USP34: variants seen among roughly 807,000 people sequenced by gnomAD.
The protein encoded by USP34 is ubiquitin specific peptidase 34.
USP34 carries 70 observed loss-of-function variants against 460.3 expected under a neutral mutation model. The ratio of observed to expected loss-of-function variants is 0.15; its 90% confidence interval spans 0.13 to 0.19. The LOEUF (loss-of-function observed/expected upper bound fraction) is 0.19. Ranked by LOEUF, USP34 falls within the 10% of genes least tolerant of loss-of-function variation. The pLI is 1.00. For synonymous variants in USP34, 1,647 were observed against 1,405.3 expected (o/e 1.17, Z -3.85); for missense variants, 3,985 against 4,236.2 (o/e 0.94, Z 1.65).
Position 61,281,108 on chromosome 2 carries a change from T to C in USP34, c.5133A>G (p.Gln1711=). The stretch of plus-strand genomic sequence containing the variant: ...ATCTTACCCTAATAGGTTTGAGTGC[T>C]TGAGCATCAGGAAGAAATTTCAATA... ...STLLKFLPDA[Q]ALKPIRIDDY... The change falls in exon 38 of 80, where the codon CAA becomes CAG. Residue 1711 remains glutamine (Q), a synonymous_variant. Coordinates refer to ENST00000398571, the MANE Select transcript of USP34 (RefSeq NM_014709.4). The C allele has an allele frequency of 6.2e-7, 1 of 1,613,722 alleles. No homozygotes were observed. The highest frequency in any genetic ancestry group is 1.1e-5 in the South Asian group (1 of 91,014).
At chr2:61,377,005 A>C (rs1246083429) in intron 8 of USP34, among the ~76,000 whole-genome samples, 1 of 152,238 alleles carries the variant, frequency 6.6e-6, no homozygotes, top group Non-Finnish European at 1.5e-5. Context: ...AGTGTGAAAC[A>C]ACACTTCTAA....
At chr2:61,236,785 C>T (rs531270455) in intron 53 of USP34, among the ~76,000 whole-genome samples, 8 of 152,258 alleles carry the variant, frequency 5.3e-5, no homozygotes, top group South Asian at 4.1e-4. Flanking sequence ...CTAAATCAGA[C>T]GTGATTTGTT....
chr2:61,404,069 C>T (rs934142769), intron 3 of USP34, among the ~76,000 whole-genome samples: 2 of 147,780 alleles, frequency 1.4e-5, no homozygotes, highest in African/African-American at 4.9e-5. Context: ...TGGAAGAGGG[C>T]CAAGTAGGTG....
intron 39 of USP34, among the ~76,000 whole-genome samples, chr2:61,279,216 T>C (rs564959162): frequency 9.9e-5 from 15 of 152,262 alleles, no homozygotes; most frequent in African/African-American, 3.1e-4. Context: ...AAGTAGATTT[T>C]AAGAATTCAG....
chr2:61,392,454 G>C (rs181035749), intron 5 of USP34, among the ~76,000 whole-genome samples: 33 of 151,926 alleles, frequency 2.2e-4, no homozygotes, highest in Admixed American at 1.3e-4. Context: ...CGAAACCCCG[G>C]GTCTACTAAA....
chr2:61,349,870 A>AC (rs1206399381), intron 12 of USP34, among the ~76,000 whole-genome samples: 42 of 151,554 alleles, frequency 2.8e-4, no homozygotes, highest in African/African-American at 8.5e-4. Context: ...AACAACAACA[A>AC]AAAAACCCCA....
intron 1 of USP34, 64 bp from the exon 2 acceptor site, chr2:61,420,897 C>G (rs1408140958): frequency 1.3e-5 from 15 of 1,168,442 alleles, no homozygotes; most frequent in Non-Finnish European, 3.6e-6. Context: ...GCCAACAGTT[C>G]AAAATAAAGC....
chr2:61,194,274 T>C, intron 75 of USP34: 1 of 985,368 alleles, frequency 1.0e-6, no homozygotes, highest in Non-Finnish European at 1.2e-6. Context: ...TATCCTAACC[T>C]AATCTGGTTG....
At chr2:61,302,210 C>T (rs1382154842) in intron 27 of USP34, among the ~76,000 whole-genome samples, 2 of 152,076 alleles carry the variant, frequency 1.3e-5, no homozygotes, top group African/African-American at 4.8e-5. Context: ...AAAAATATTG[C>T]TAAACTTCAT....
intron 10 of USP34, among the ~76,000 whole-genome samples, chr2:61,351,119 T>C (rs929510475): frequency 2.6e-5 from 4 of 152,188 alleles, no homozygotes; most frequent in African/African-American, 4.8e-5. Flanking sequence ...CCCAGCTACA[T>C]AGGCGGCTAT....
intron 27 of USP34, among the ~76,000 whole-genome samples, chr2:61,301,863 C>T (rs183885423): frequency 6.6e-5 from 10 of 152,254 alleles, no homozygotes; most frequent in African/African-American, 2.2e-4. Context: ...TCACCATTAA[C>T]CCTTTACTCT....
At chr2:61,262,865 TA>T (rs1209545209) in intron 43 of USP34, among the ~76,000 whole-genome samples, 1 of 152,338 alleles carries the variant, frequency 6.6e-6, no homozygotes, top group Non-Finnish European at 1.5e-5. Flanking sequence ...GACTTTTTAT[TA>T]ACAGCTATTC....
chr2:61,249,725 G>C (rs967369750), intron 48 of USP34: 4 of 152,978 alleles, frequency 2.6e-5, no homozygotes, highest in African/African-American at 9.7e-5. Context: ...CAGAAGAAGA[G>C]TCTGCAGGGC....
At chr2:61,285,573 C>T (rs1169195712) in intron 34 of USP34, among the ~76,000 whole-genome samples, 1 of 151,214 alleles carries the variant, frequency 6.6e-6, no homozygotes, top group Non-Finnish European at 1.5e-5. Context: ...ATAGTCTTTA[C>T]ATTCGATTCA....
chr2:61,322,488 C>G (rs1435290489), intron 21 of USP34, among the ~76,000 whole-genome samples: 1 of 152,150 alleles, frequency 6.6e-6, no homozygotes, highest in Non-Finnish European at 1.5e-5. Flanking sequence ...AAAAATTAGA[C>G]AGTCCAAAAG....
At position 61,406,342 on chromosome 2, in the gene USP34, A is replaced by G. The variant is rs544685771; in HGVS notation, c.132-214T>C. On this transcript the variant is annotated intron_variant, in intron 2 of 79. Coordinates refer to ENST00000398571, the MANE Select transcript of USP34 (RefSeq NM_014709.4). ...AAGTCATCATGTTAGGTTTACAGCT[A>G]TTATCTTCAGTTTTACGTATGGATT... Among the ~76,000 whole-genome samples the G allele has an allele frequency of 6.6e-5, 10 of 152,238 alleles. No homozygotes were observed. In the South Asian group the frequency reaches 1.0e-3, roughly 16 times the overall value.
At chr2:61,371,713 A>G (rs1358355237) in intron 8 of USP34, among the ~76,000 whole-genome samples, 1 of 152,172 alleles carries the variant, frequency 6.6e-6, no homozygotes, top group South Asian at 2.1e-4. Flanking sequence ...CTAGGCCTTC[A>G]CATCTTCTCA....
intron 5 of USP34, among the ~76,000 whole-genome samples, chr2:61,393,700 T>C (rs908482137): frequency 2.0e-5 from 3 of 152,194 alleles, no homozygotes; most frequent in African/African-American, 7.2e-5. Flanking sequence ...ATATCTGATA[T>C]TAGCTATTAA....
chr2:61,284,780 T>A, intron 35 of USP34, 95 bp downstream of exon 35: 2 of 992,518 alleles, frequency 2.0e-6, no homozygotes, highest in South Asian at 4.5e-5. Flanking sequence ...ATCCCCCAAA[T>A]TTTTCTATTA....
Sources: gnomAD v4.1 joint callset for allele counts (sites outside exome capture counted in the v4.1 genomes callset) on GRCh38, gnomAD v4.1.1 for gene constraint, MANE v1.5 for transcripts, NCBI Gene and HGNC (gene_info 2026-07-23, HGNC 2026-07-21) for gene names.